The following ASTN2 variants were observed in gnomAD, a reference collection of about 807,000 sequenced individuals.
ASTN2 encodes astrotactin 2.
Under a neutral mutation model 139.8 loss-of-function variants are expected in ASTN2, and 54 were observed. The observed-to-expected ratio is 0.39, with a 90% CI of 0.31 to 0.48. The LOEUF is 0.48. ASTN2 is among the 20% of genes least tolerant of loss of function. The probability of loss-of-function intolerance (pLI) is 0.95; values close to 1 mark genes in which losing one functional copy is unlikely to be tolerated. For missense variants in ASTN2, 1,565 were observed against 1,725.1 expected (o/e 0.91, Z 1.64); for synonymous variants, 756 against 719.5 (o/e 1.05, Z -0.81).
chr9:116,986,136 C>T (rs922794698), intron 7 of ASTN2, among the ~76,000 whole-genome samples: 1 of 151,834 alleles, frequency 6.6e-6, no homozygotes, highest in Non-Finnish European at 1.5e-5. Flanking sequence ...GCACTGCTGT[C>T]CTTGCTGTGC....
chr9:117,034,472 T>A lies in ASTN2; in HGVS notation c.1423+5347A>T, dbSNP rs542286451. On this transcript the variant is annotated intron_variant, in intron 6 of 22. Transcript: ENST00000313400. ...CTCCATTAGTAGGGCATTGATAAAG[T>A]CAAAGGTGGAGGAAACCAAAGACCC... Among the ~76,000 whole-genome samples, 211 of 152,224 alleles carry A rather than the reference T, an allele frequency of 1.4e-3. 1 individual carries two copies. The highest frequency in any genetic ancestry group is 4.8e-3 in the African/African-American group (198 of 41,556).
intron 1 of ASTN2, among the ~76,000 whole-genome samples, chr9:117,382,594 C>T (rs912796899): frequency 3.9e-5 from 6 of 152,286 alleles, no homozygotes; most frequent in Non-Finnish European, 8.8e-5. Flanking sequence ...CACTAGAATG[C>T]TCCTAGGCCA....
intron 1 of ASTN2, among the ~76,000 whole-genome samples, chr9:117,376,726 A>G (rs191721913): frequency 1.8e-4 from 27 of 152,290 alleles, no homozygotes; most frequent in Admixed American, 4.6e-4. Context: ...TCTGAACTGG[A>G]AAATCGGGGC....
intron 11 of ASTN2, among the ~76,000 whole-genome samples, chr9:116,861,011 A>G (rs1041889294): frequency 6.6e-6 from 1 of 152,204 alleles, no homozygotes; most frequent in Non-Finnish European, 1.5e-5. Context: ...TGAAGCACAG[A>G]GAGGAGCTTG....
intron 5 of ASTN2, among the ~76,000 whole-genome samples, chr9:117,051,455 T>C (rs554476684): frequency 6.6e-6 from 1 of 152,266 alleles, no homozygotes. Flanking sequence ...CTAACAGTAT[T>C]ACTATGTAGT....
intron 13 of ASTN2, among the ~76,000 whole-genome samples, chr9:116,756,455 A>T (rs923747138): frequency 2.0e-5 from 3 of 152,210 alleles, no homozygotes; most frequent in African/African-American, 7.2e-5. Flanking sequence ...AGTTATTAAC[A>T]TTCTCAATAA....
chr9:117,091,979 G>C (rs889987580), intron 5 of ASTN2, among the ~76,000 whole-genome samples: 3 of 152,188 alleles, frequency 2.0e-5, no homozygotes, highest in African/African-American at 4.8e-5. Flanking sequence ...GGCAGCAGTA[G>C]AGAAGGGGAG....
chr9:117,328,661 G>A (rs1381570400), intron 1 of ASTN2, among the ~76,000 whole-genome samples: 1 of 152,194 alleles, frequency 6.6e-6, no homozygotes, highest in East Asian at 1.9e-4. Flanking sequence ...TTTCATCCCA[G>A]GGAAATGGGC....
chr9:116,895,745 A>G (rs1247395255), intron 10 of ASTN2, among the ~76,000 whole-genome samples: 1 of 152,246 alleles, frequency 6.6e-6, no homozygotes, highest in Non-Finnish European at 1.5e-5. Context: ...ACTGAACATC[A>G]ACATTTACTA....
intron 4 of ASTN2, among the ~76,000 whole-genome samples, chr9:117,102,571 G>T (rs1041959582): frequency 7.9e-5 from 12 of 152,120 alleles, no homozygotes; most frequent in African/African-American, 2.2e-4. Context: ...TACCCAGGCT[G>T]GGGTACAGTG....
intron 7 of ASTN2, among the ~76,000 whole-genome samples, chr9:116,981,517 T>G (rs1836512681): frequency 6.6e-6 from 1 of 152,218 alleles, no homozygotes; most frequent in Non-Finnish European, 1.5e-5. Context: ...CCAGTTTCAT[T>G]ATTCAGAAGA....
At chr9:116,911,669 C>A (rs561746660) in intron 10 of ASTN2, among the ~76,000 whole-genome samples, 1 of 152,094 alleles carries the variant, frequency 6.6e-6, no homozygotes, top group Non-Finnish European at 1.5e-5. Context: ...CTTTGGGAGG[C>A]CGAGGCAGGC....
At chr9:116,636,266 A>C (rs1161211406) in intron 17 of ASTN2, among the ~76,000 whole-genome samples, 1 of 152,240 alleles carries the variant, frequency 6.6e-6, no homozygotes, top group Non-Finnish European at 1.5e-5. Context: ...ACCCAGGATA[A>C]GTCTAAAAGT....
intron 3 of ASTN2, among the ~76,000 whole-genome samples, chr9:117,204,442 C>T (rs1409210539): frequency 6.6e-6 from 1 of 152,162 alleles, no homozygotes; most frequent in Non-Finnish European, 1.5e-5. Context: ...GAAGTGTTAG[C>T]CACTATGCTG....
chr9:116,793,003 T>C (rs1371523580), intron 13 of ASTN2, among the ~76,000 whole-genome samples: 1 of 151,886 alleles, frequency 6.6e-6, no homozygotes, highest in East Asian at 1.9e-4. Flanking sequence ...GGTACTATGC[T>C]CAGCACATGA....
chr9:117,191,836 C>T (rs1044878586), intron 3 of ASTN2, among the ~76,000 whole-genome samples: 3 of 152,104 alleles, frequency 2.0e-5, no homozygotes, highest in Admixed American at 1.3e-4. Flanking sequence ...TACTGCCTTG[C>T]CAGCCACAGT....
At chr9:117,117,835 C>T (rs1829435915) in intron 4 of ASTN2, among the ~76,000 whole-genome samples, 1 of 152,210 alleles carries the variant, frequency 6.6e-6, no homozygotes, top group Non-Finnish European at 1.5e-5. Flanking sequence ...AGCCGTCACA[C>T]TCCATCTTTC....
At chr9:116,917,942 A>G (rs1218767987) in intron 10 of ASTN2, among the ~76,000 whole-genome samples, 1 of 152,020 alleles carries the variant, frequency 6.6e-6, no homozygotes, top group East Asian at 1.9e-4. Context: ...TGTGGGAGGG[A>G]CCCAGGGGGA....
chr9:117,370,857 G>A (rs950483249), intron 1 of ASTN2, among the ~76,000 whole-genome samples: 3 of 152,068 alleles, frequency 2.0e-5, no homozygotes, highest in African/African-American at 4.8e-5. Flanking sequence ...ATACAGGCAT[G>A]AGCCACAACT....
Sources: gnomAD v4.1 joint callset for allele counts (sites outside exome capture counted in the v4.1 genomes callset) on GRCh38, gnomAD v4.1.1 for gene constraint, MANE v1.5 for transcripts, NCBI Gene and HGNC (gene_info 2026-07-23, HGNC 2026-07-21) for gene names.